Variants in ANO4 observed in about 807,000 individuals in gnomAD.
ANO4 encodes the protein anoctamin-4.
In ANO4, 69 loss-of-function variants were observed where a neutral mutation model predicts 141.9. The ratio of observed to expected loss-of-function variants is 0.49; its 90% CI spans 0.40 to 0.59. ANO4 has a LOEUF of 0.59. Among genes scored for constraint, ANO4 ranks in the 20% least tolerant of loss-of-function variants. The probability of loss-of-function intolerance (pLI) is 0.00; values close to 1 mark genes in which losing one functional copy is unlikely to be tolerated. For synonymous variants in ANO4, 350 were observed against 394.3 expected (o/e 0.89, Z 1.33); for missense variants, 894 against 1,162.2 (o/e 0.77, Z 3.36).
chr12:100,751,377 C>A (rs1203168505), intron 3 of ANO4, among the ~76,000 whole-genome samples: 1 of 152,110 alleles, frequency 6.6e-6, no homozygotes, highest in East Asian at 1.9e-4. Flanking sequence ...GTTTTCCAAC[C>A]CCCAGGAACT....
chr12:100,831,320 CCT>C (rs2036620298), intron 1 of ANO4, among the ~76,000 whole-genome samples: 1 of 152,184 alleles, frequency 6.6e-6, no homozygotes, highest in South Asian at 2.1e-4. Context: ...GGACTCCTCC[CCT>C]GTCAAAAAGT....
intron 1 of ANO4, among the ~76,000 whole-genome samples, chr12:100,883,703 G>T (rs1405118864): frequency 6.6e-6 from 1 of 152,110 alleles, no homozygotes; most frequent in African/African-American, 2.4e-5. Context: ...ATTACTATCT[G>T]CTACTTGACT....
chr12:101,106,413 A>G (rs1291987309), intron 22 of ANO4, among the ~76,000 whole-genome samples: 3 of 152,030 alleles, frequency 2.0e-5, no homozygotes, highest in African/African-American at 7.2e-5. Context: ...AACTAGGTCT[A>G]TATAGATCAA....
At chr12:101,105,683 C>G (rs951393061) in intron 22 of ANO4, among the ~76,000 whole-genome samples, 1 of 152,006 alleles carries the variant, frequency 6.6e-6, no homozygotes, top group African/African-American at 2.4e-5. Flanking sequence ...TTTCAAATAG[C>G]TATGATTTAC....
At chr12:100,725,272 G>A (rs1025127802) in intron 1 of ANO4, among the ~76,000 whole-genome samples, 3 of 151,740 alleles carry the variant, frequency 2.0e-5, no homozygotes, top group African/African-American at 7.3e-5. Context: ...CAGCCTTTGT[G>A]GATTGTGGAT....
intron 11 of ANO4, among the ~76,000 whole-genome samples, chr12:101,041,943 A>G (rs757000524): frequency 1.3e-5 from 2 of 152,084 alleles, no homozygotes; most frequent in Non-Finnish European, 2.9e-5. Flanking sequence ...TTCCTATCCT[A>G]TAGGTTTTAC....
chr12:100,786,485 G>T (rs2135595276), intron 3 of ANO4, among the ~76,000 whole-genome samples: 1 of 152,272 alleles, frequency 6.6e-6, no homozygotes, highest in Non-Finnish European at 1.5e-5. Context: ...GGGCCACCAA[G>T]GAACATCAGC....
chr12:100,875,016 G>C (rs897731686), intron 1 of ANO4, among the ~76,000 whole-genome samples: 4 of 152,124 alleles, frequency 2.6e-5, no homozygotes, highest in African/African-American at 9.7e-5. Flanking sequence ...ATGAGACTTT[G>C]GACCATGGAG....
At chr12:100,870,489 GAC>G (rs1444092144) in intron 1 of ANO4, among the ~76,000 whole-genome samples, 1 of 152,014 alleles carries the variant, frequency 6.6e-6, no homozygotes, top group Non-Finnish European at 1.5e-5. Context: ...CTTGAAACAT[GAC>G]AGTTTGTCAT....
intron 5 of ANO4, among the ~76,000 whole-genome samples, chr12:100,951,383 T>C (rs1308552651): frequency 6.6e-6 from 1 of 152,164 alleles, no homozygotes; most frequent in Non-Finnish European, 1.5e-5. Flanking sequence ...CACATACACA[T>C]GTATGTTCGC....
chr12:100,845,912 C>T (rs925791177), intron 1 of ANO4, among the ~76,000 whole-genome samples: 2 of 152,096 alleles, frequency 1.3e-5, no homozygotes, highest in Non-Finnish European at 2.9e-5. Flanking sequence ...GAGTGAATGA[C>T]CCATGGAAGG....
At chr12:100,826,822 A>T (rs2036371108) in intron 1 of ANO4, among the ~76,000 whole-genome samples, 1 of 151,962 alleles carries the variant, frequency 6.6e-6, no homozygotes. Flanking sequence ...ATCCTTTGTT[A>T]CTGAGGCTGA....
chr12:101,014,205 C>A (rs2046222988), intron 8 of ANO4, among the ~76,000 whole-genome samples: 1 of 152,200 alleles, frequency 6.6e-6, no homozygotes, highest in East Asian at 1.9e-4. Context: ...CATATCACAG[C>A]ATTTTACAAC....
chr12:100,852,265 T>A (rs765771438), intron 1 of ANO4: 5 of 152,126 alleles, frequency 3.3e-5, no homozygotes, highest in Non-Finnish European at 5.9e-5. Context: ...TTCAAATAAA[T>A]AAGAAAGAGA....
intron 18 of ANO4, among the ~76,000 whole-genome samples, chr12:101,095,156 A>G (rs181313585): frequency 2.0e-5 from 3 of 152,308 alleles, no homozygotes; most frequent in African/African-American, 7.2e-5. Flanking sequence ...AAGTGTTCCT[A>G]TTTTTATTCA....
At chr12:100,823,494 G>A (rs949960888) in intron 1 of ANO4, among the ~76,000 whole-genome samples, 3 of 151,762 alleles carry the variant, frequency 2.0e-5, no homozygotes, top group South Asian at 2.1e-4. Context: ...GCATACAAGC[G>A]AGTTGGGACA....
At chr12:100,780,466 C>A (rs10778074) in intron 3 of ANO4, among the ~76,000 whole-genome samples, 101,803 of 152,072 alleles carry the variant, frequency 0.67, 34,258 homozygotes, top group East Asian at 0.79. Flanking sequence ...GGGACAGGTT[C>A]TTCATGAACT....
At chr12:100,848,622 T>G (rs1360736149) in intron 1 of ANO4, among the ~76,000 whole-genome samples, 2 of 152,196 alleles carry the variant, frequency 1.3e-5, no homozygotes, top group Admixed American at 6.5e-5. Context: ...TTGAGCATGG[T>G]CCTTTGTGGT....
rs141729298 is a variant in ANO4, at chr12:101,007,167, A to G, written c.735-12867A>G. On this transcript the variant is annotated intron_variant, in intron 8 of 27. Coordinates refer to ENST00000392977, the MANE Select transcript of ANO4 (RefSeq NM_001286615.2). ...CAAGAGTTCGAGAGCAGCCTGGCCA[A>G]CGTGGCGAAACCCTGTCTCTACTAA... 2.4e-3 allele frequency among the ~76,000 whole-genome samples: 372 copies of G among 152,290 alleles called. 2 individuals are homozygous for G. Among genetic ancestry groups the G allele is most frequent in the African/African-American group, 7.7e-3 (322 of 41,566 alleles).
Sources: gnomAD v4.1 joint callset for allele counts (sites outside exome capture counted in the v4.1 genomes callset) on GRCh38, gnomAD v4.1.1 for gene constraint, MANE v1.5 for transcripts, NCBI Gene and HGNC (gene_info 2026-07-23, HGNC 2026-07-21) for gene names.